GRM3: variants seen among roughly 807,000 people sequenced by gnomAD.
The protein encoded by GRM3 is glutamate metabotropic receptor 3, also known as metabotropic glutamate receptor 3.
GRM3 carries 26 observed loss-of-function variants against 70.5 expected under a neutral mutation model. The ratio of observed to expected loss-of-function variants is 0.37; its 90% CI spans 0.27 to 0.51. The LOEUF is 0.51. Among genes scored for constraint, GRM3 ranks in the 20% least tolerant of loss-of-function variants. The pLI is 0.93. For missense variants in GRM3, 859 were observed against 1,123.8 expected, an observed-to-expected ratio of 0.76 and a Z score of 3.37; for synonymous variants, 443 against 434.9, an observed-to-expected ratio of 1.02 and a Z score of -0.23.
At chr7:86,721,543 C>T (rs1291099692) in intron 1 of GRM3, among the ~76,000 whole-genome samples, 1 of 151,914 alleles carries the variant, frequency 6.6e-6, no homozygotes, top group African/African-American at 2.4e-5. Flanking sequence ...AGATCTTAGG[C>T]CACTGGATTA....
At chr7:86,805,019 TGGGA>T (rs944207151) in intron 3 of GRM3, among the ~76,000 whole-genome samples, 1 of 151,878 alleles carries the variant, frequency 6.6e-6, no homozygotes, top group Non-Finnish European at 1.5e-5. Context: ...GAGGTTGAGG[TGGGA>T]GGATCACTTG....
At chr7:86,661,429 G>A (rs1036849583) in intron 1 of GRM3, among the ~76,000 whole-genome samples, 2 of 151,774 alleles carry the variant, frequency 1.3e-5, no homozygotes, top group African/African-American at 4.8e-5. Flanking sequence ...GTAGGTGCTG[G>A]GGATCTGTCA....
intron 1 of GRM3, among the ~76,000 whole-genome samples, chr7:86,662,671 C>A (rs1793923004): frequency 6.6e-6 from 1 of 151,848 alleles, no homozygotes; most frequent in Non-Finnish European, 1.5e-5. Context: ...CAAATATTTT[C>A]ATGATATTGC....
intron 1 of GRM3, among the ~76,000 whole-genome samples, chr7:86,703,203 T>C (rs1794984264): frequency 6.6e-6 from 1 of 151,966 alleles, no homozygotes; most frequent in African/African-American, 2.4e-5. Flanking sequence ...ATAATCATCA[T>C]ATCTGACTTT....
At chr7:86,746,341 TTATATATATA>T (rs59930404) in intron 1 of GRM3, among the ~76,000 whole-genome samples, 21 of 87,444 alleles carry the variant, frequency 2.4e-4, no homozygotes, top group East Asian at 3.4e-4. Context: ...CAGTCATGTA[TTATATATATA>T]TATATATATA....
intron 5 of GRM3, among the ~76,000 whole-genome samples, chr7:86,863,587 T>A (rs1289942507): frequency 4.6e-5 from 7 of 152,170 alleles, no homozygotes; most frequent in Admixed American, 4.6e-4. Flanking sequence ...CCCTTACTAG[T>A]GTTTTTACTG....
chr7:86,780,366 CAT>C (rs1168965849), intron 2 of GRM3, among the ~76,000 whole-genome samples: 2 of 152,160 alleles, frequency 1.3e-5, no homozygotes, highest in Non-Finnish European at 2.9e-5. Context: ...AATTTTATAA[CAT>C]TGCATCTGCT....
intron 1 of GRM3, among the ~76,000 whole-genome samples, chr7:86,662,728 A>C (rs2115849565): frequency 6.6e-6 from 1 of 152,096 alleles, no homozygotes; most frequent in African/African-American, 2.4e-5. Context: ...TCAATTTCTG[A>C]AGCTATGAAT....
At chr7:86,766,978 A>G (rs1048248063) in intron 2 of GRM3, among the ~76,000 whole-genome samples, 1 of 152,172 alleles carries the variant, frequency 6.6e-6, no homozygotes, top group Admixed American at 6.5e-5. Context: ...TGGGAGGCTG[A>G]GGCAGGCAGA....
At chr7:86,834,429 T>C (rs1159469790) in intron 3 of GRM3, among the ~76,000 whole-genome samples, 3 of 152,150 alleles carry the variant, frequency 2.0e-5, no homozygotes, top group Non-Finnish European at 4.4e-5. Flanking sequence ...ATTCTATTTC[T>C]GCTATTTGCC....
At chr7:86,789,741 T>C (rs1355161034) in intron 3 of GRM3, among the ~76,000 whole-genome samples, 2 of 152,172 alleles carry the variant, frequency 1.3e-5, no homozygotes, top group African/African-American at 4.8e-5. Flanking sequence ...TTTAGCCAAT[T>C]CCCCAATAGC....
intron 4 of GRM3, among the ~76,000 whole-genome samples, chr7:86,848,407 C>G (rs972822382): frequency 6.6e-6 from 1 of 152,132 alleles, no homozygotes; most frequent in African/African-American, 2.4e-5. Flanking sequence ...GGCTAGATGA[C>G]TTTATGATCT....
At chr7:86,668,223 T>G (rs1794079235) in intron 1 of GRM3, among the ~76,000 whole-genome samples, 1 of 152,124 alleles carries the variant, frequency 6.6e-6, no homozygotes. Context: ...CCTGCCGTGC[T>G]TCCTTAGGAT....
Position 86,856,394 on chromosome 7 carries a change from C to T in GRM3, c.2566+5850C>T, listed in dbSNP as rs1166223244. Among the ~76,000 whole-genome samples, 4 of 148,994 alleles carry T rather than the reference C, an allele frequency of 2.7e-5. No homozygotes were observed. In the East Asian group the frequency reaches 6.0e-4, roughly 22 times the overall value. The stretch of plus-strand genomic sequence containing the variant: ...CCGGGAGGTGGAGGCTGCAGTGAGC[C>T]GAGATCATGCCACTGCACTCCAGCC... On this transcript the variant is annotated intron_variant, in intron 5 of 5. Coordinates refer to ENST00000361669, the MANE Select transcript of GRM3 (RefSeq NM_000840.3).
At chr7:86,756,705 T>C (rs1056610104) in intron 1 of GRM3, among the ~76,000 whole-genome samples, 1 of 152,178 alleles carries the variant, frequency 6.6e-6, no homozygotes, top group Non-Finnish European at 1.5e-5. Context: ...TTTATCCTGC[T>C]TGAGAATTGC....
rs558694838 is a variant in GRM3, at chr7:86,829,456, A to G, written c.1325-9383A>G. Among the ~76,000 whole-genome samples, 15 of 152,294 alleles carry G rather than the reference A, an allele frequency of 9.8e-5. No individual in the cohort carries two copies. In the South Asian group the frequency reaches 3.1e-3, roughly 32 times the overall value. On this transcript the variant is annotated intron_variant, in intron 3 of 5. Coordinates refer to ENST00000361669, the MANE Select transcript of GRM3 (RefSeq NM_000840.3). ...GTGCAAGAGGGCTAGTTTTGAGCTT[A>G]TCTCAGCTTTCAACATGCCTTCCTA...
intron 5 of GRM3, among the ~76,000 whole-genome samples, chr7:86,861,853 G>T (rs905187254): frequency 6.6e-6 from 1 of 152,160 alleles, no homozygotes; most frequent in African/African-American, 2.4e-5. Context: ...CTGCTGTATA[G>T]AGAATATATT....
intron 2 of GRM3, among the ~76,000 whole-genome samples, chr7:86,785,110 A>G (rs553494583): frequency 1.3e-5 from 2 of 152,376 alleles, no homozygotes; most frequent in African/African-American, 4.8e-5. Flanking sequence ...GAAAAATTTC[A>G]AAGTACTAAT....
intron 1 of GRM3, among the ~76,000 whole-genome samples, chr7:86,753,090 G>A (rs889441433): frequency 3.9e-5 from 6 of 152,028 alleles, no homozygotes; most frequent in Admixed American, 1.3e-4. Context: ...CATCCGCACA[G>A]CCAGCAGTTC....
Sources: allele counts gnomAD v4.1 joint callset (sites outside exome capture counted in the v4.1 genomes callset), GRCh38; gene constraint gnomAD v4.1.1; transcripts MANE v1.5; gene names NCBI Gene and HGNC (gene_info 2026-07-23, HGNC 2026-07-21).